The following JAM3 variants were observed in gnomAD, a reference collection of about 807,000 sequenced individuals.
JAM3 encodes junctional adhesion molecule C.
JAM3 carries 31 observed loss-of-function variants against 39.4 expected under a neutral mutation model. The ratio of observed to expected loss-of-function variants is 0.79; its 90% CI spans 0.59 to 1.06. The LOEUF (loss-of-function observed/expected upper bound fraction) is 1.06. JAM3 is among the 50% of genes least tolerant of loss of function. The pLI is 0.00. For synonymous variants in JAM3, 182 were observed against 148.7 expected (o/e 1.22, Z -1.63); for missense variants, 455 against 391.4 (o/e 1.16, Z -1.37).
At chr11:134,072,291 G>T (rs1037277360) in intron 1 of JAM3, among the ~76,000 whole-genome samples, 2 of 150,930 alleles carry the variant, frequency 1.3e-5, no homozygotes, top group African/African-American at 4.9e-5. Context: ...GTCTGCTGAA[G>T]AATACCCTAG....
rs610382 is a variant in JAM3 at position 134,148,761 on chromosome 11, T to A, written c.843-3T>A. On this transcript the variant is annotated splice_region_variant and splice_polypyrimidine_tract_variant and intron_variant, in intron 7 of 8. Transcript: ENST00000299106. ...TTGCTAAACTGCTCTCTTCTCCTCA[T>A]AGTTACAAGAACCCAGGGAAACCAG... 6.2e-7 allele frequency: 1 copy of A among 1,613,846 alleles called. No homozygotes were observed. Among genetic ancestry groups the A allele is most frequent in the Non-Finnish European group, 8.5e-7 (1 of 1,179,912 alleles).
At chr11:134,086,809 T>C (rs996384992) in intron 1 of JAM3, among the ~76,000 whole-genome samples, 1 of 151,988 alleles carries the variant, frequency 6.6e-6, no homozygotes, top group African/African-American at 2.4e-5. Context: ...TGGTTTTTTT[T>C]GTTGTTGTTG....
chr11:134,124,869 T>C (rs1942613604), intron 1 of JAM3, among the ~76,000 whole-genome samples: 1 of 152,196 alleles, frequency 6.6e-6, no homozygotes, highest in Admixed American at 6.5e-5. Flanking sequence ...AGAATCGCCG[T>C]AAATGTGCAA....
At chr11:134,075,451 T>G (rs1941551687) in intron 1 of JAM3, among the ~76,000 whole-genome samples, 1 of 152,206 alleles carries the variant, frequency 6.6e-6, no homozygotes. Context: ...TGCCAATTAC[T>G]GAAAACTATG....
intron 1 of JAM3, among the ~76,000 whole-genome samples, chr11:134,131,313 T>C (rs1446857298): frequency 6.6e-6 from 1 of 152,074 alleles, no homozygotes; most frequent in Non-Finnish European, 1.5e-5. Context: ...TATACTCTTA[T>C]AATAGCTGAA....
chr11:134,149,858 T>A lies in JAM3; in HGVS notation c.*677T>A. On this transcript the variant is annotated 3_prime_UTR_variant, in exon 9 of 9. Transcript: ENST00000299106. ...TCAGGATTTAAGGAAAACCTTCGTC[T>A]TAGGCTAAGTCTGAAATGGTACTGA... 3.1e-6 allele frequency: 1 copy of A among 320,838 alleles called. No individual in the cohort carries two copies. Among genetic ancestry groups the A allele is most frequent in the Non-Finnish European group, 6.1e-6 (1 of 162,764 alleles). 19.9% of individuals were successfully genotyped at this position (320,838 alleles called of 1,614,324 possible).
At chr11:134,118,192 T>C (rs1942472321) in intron 1 of JAM3, among the ~76,000 whole-genome samples, 1 of 152,194 alleles carries the variant, frequency 6.6e-6, no homozygotes, top group South Asian at 2.1e-4. Flanking sequence ...CATACACATT[T>C]GTCATGCCTC....
At chr11:134,107,631 T>C (rs978611892) in intron 1 of JAM3, among the ~76,000 whole-genome samples, 3 of 151,986 alleles carry the variant, frequency 2.0e-5, no homozygotes, top group Non-Finnish European at 4.4e-5. Flanking sequence ...AGGTCTGAAA[T>C]CAGTGAGTTC....
intron 1 of JAM3, among the ~76,000 whole-genome samples, chr11:134,137,228 A>G (rs1010893469): frequency 6.6e-6 from 1 of 152,228 alleles, no homozygotes; most frequent in Non-Finnish European, 1.5e-5. Flanking sequence ...TAAGAAACAA[A>G]TTGGTTTAGT....
intron 1 of JAM3, among the ~76,000 whole-genome samples, chr11:134,099,608 G>A (rs555447691): frequency 1.8e-4 from 28 of 152,122 alleles, no homozygotes; most frequent in Admixed American, 9.8e-4. Context: ...CTATTTATTT[G>A]TTTATTTATT....
intron 1 of JAM3, among the ~76,000 whole-genome samples, chr11:134,135,200 T>C (rs951545851): frequency 1.3e-5 from 2 of 152,220 alleles, no homozygotes. Flanking sequence ...GTATTTGACT[T>C]AATATAAGGG....
chr11:134,105,853 A>G lies in JAM3; in HGVS notation c.77-33998A>G, dbSNP rs533216077. On this transcript the variant is annotated intron_variant, in intron 1 of 8. Transcript: ENST00000299106. ...ACTGCTCAACGAAATAAAAGAGGAC[A>G]CAAACAAATGGAAGAACATTCCATG... Among the ~76,000 whole-genome samples the G allele has an allele frequency of 2.6e-4, 40 of 152,358 alleles. No individual in the cohort carries two copies. The South Asian group carries it at 8.3e-3, about 32-fold the overall frequency.
intron 1 of JAM3, among the ~76,000 whole-genome samples, chr11:134,079,988 T>G (rs1941638155): frequency 6.6e-6 from 1 of 151,374 alleles, no homozygotes. Flanking sequence ...TGTTTTGTTT[T>G]GTTCTTTTTT....
In JAM3 at chr11:134,148,774, C is replaced by G; in HGVS notation, c.853C>G (p.Pro285Ala). 1 of 1,614,120 alleles carries G rather than the reference C, an allele frequency of 6.2e-7. No homozygotes were observed. The highest frequency in any genetic ancestry group is 1.1e-5 in the South Asian group (1 of 91,068). The change falls in exon 8 of 9, where the codon CCA (proline) becomes GCA (alanine). Residue 285 changes from proline (P) to alanine (A), a missense_variant. By Grantham distance (27) the Pro-to-Ala change is conservative. Transcript: ENST00000299106. ...NKQDGESYKNPGKPDGVNYIR... is the reference protein window; with the variant it reads ...NKQDGESYKNAGKPDGVNYIR... ...CTCTTCTCCTCATAGTTACAAGAAC[C>G]CAGGGAAACCAGATGGAGTTAACTA... is the stretch of plus-strand genomic sequence containing the variant.
intron 6 of JAM3, among the ~76,000 whole-genome samples, chr11:134,147,542 A>G (rs1261102487): frequency 1.4e-5 from 2 of 146,006 alleles, no homozygotes; most frequent in South Asian, 2.3e-4. Flanking sequence ...GCTGGAGTGC[A>G]GTGGCACAAT....
chr11:134,133,011 A>G (rs1440569488), intron 1 of JAM3, among the ~76,000 whole-genome samples: 1 of 152,172 alleles, frequency 6.6e-6, no homozygotes, highest in African/African-American at 2.4e-5. Context: ...CTGTGACCTC[A>G]CTTCTCTGAC....
chr11:134,112,005 G>C (rs1308514948), intron 1 of JAM3, among the ~76,000 whole-genome samples: 1 of 152,106 alleles, frequency 6.6e-6, no homozygotes, highest in Non-Finnish European at 1.5e-5. Context: ...GAAGACAGTG[G>C]ATCTCTAAAC....
chr11:134,146,368 C>G (rs1004322214), intron 6 of JAM3, among the ~76,000 whole-genome samples: 2 of 151,528 alleles, frequency 1.3e-5, no homozygotes, highest in African/African-American at 4.9e-5. Flanking sequence ...GGTGTCAGGT[C>G]TCCAGAAATT....
intron 1 of JAM3, among the ~76,000 whole-genome samples, chr11:134,111,755 A>G (rs1942315748): frequency 1.3e-5 from 2 of 152,252 alleles, no homozygotes; most frequent in Non-Finnish European, 2.9e-5. Context: ...CTTTCATTCC[A>G]TATAAACAAT....
Sources: gnomAD v4.1 joint callset for allele counts (sites outside exome capture counted in the v4.1 genomes callset) on GRCh38, gnomAD v4.1.1 for gene constraint, MANE v1.5 for transcripts, NCBI Gene and HGNC (gene_info 2026-07-23, HGNC 2026-07-21) for gene names.